Variants in ACOXL observed in about 807,000 individuals in gnomAD.
The protein encoded by ACOXL is acyl-coenzyme A oxidase-like protein.
A neutral mutation model predicts 71.9 loss-of-function variants in ACOXL; 70 were observed. That is an observed-to-expected ratio of 0.97 (90% confidence interval 0.80 to 1.19). The LOEUF is 1.19. ACOXL is among the 50% of genes most tolerant of loss of function. The probability of loss-of-function intolerance (pLI) is 0.00; values close to 1 mark genes in which losing one functional copy is unlikely to be tolerated. For missense variants in ACOXL, 703 were observed against 736.3 expected, an observed-to-expected ratio of 0.95 and a Z score of 0.52; for synonymous variants, 253 against 281.6, an observed-to-expected ratio of 0.90 and a Z score of 1.02.
At chr2:111,081,007 G>A (rs918033025) in intron 16 of ACOXL, among the ~76,000 whole-genome samples, 3 of 152,238 alleles carry the variant, frequency 2.0e-5, no homozygotes, top group Non-Finnish European at 2.9e-5. Flanking sequence ...ACTAGGTATC[G>A]ATGGAATGTA....
intron 16 of ACOXL, among the ~76,000 whole-genome samples, chr2:111,064,375 G>C (rs1329811813): frequency 6.8e-6 from 1 of 147,800 alleles, no homozygotes; most frequent in Non-Finnish European, 1.5e-5. Context: ...GGCGGAGCTT[G>C]CAGTGAGCCG....
chr2:111,079,853 G>T (rs1388514823), intron 16 of ACOXL, among the ~76,000 whole-genome samples: 2 of 141,724 alleles, frequency 1.4e-5, no homozygotes, highest in Non-Finnish European at 1.5e-5. Flanking sequence ...AAAAGTGGAG[G>T]TACTACAGTG....
Position 111,095,248 on chromosome 2 carries a change from G to A in ACOXL, c.1542+2282G>A, listed in dbSNP as rs560302142. ...AAAAAAAAAAAAAAACCTACATAAG[G>A]GAAGATTTTAAATCTGTGCCACCAG... On this transcript the variant is annotated intron_variant, in intron 17 of 17. Coordinates refer to ENST00000439055, the MANE Select transcript of ACOXL (RefSeq NM_001142807.4). 6.0e-5 allele frequency among the ~76,000 whole-genome samples: 9 copies of A among 151,172 alleles called. No individual in the cohort carries two copies. The South Asian group carries it at 1.9e-3, about 32-fold the overall frequency.
rs60152579 is a variant in ACOXL at position 110,752,023 on chromosome 2, C to CTT, written c.-22-16330_-22-16329dup. On this transcript the variant is annotated intron_variant, in intron 1 of 17. Coordinates refer to ENST00000439055, the MANE Select transcript of ACOXL (RefSeq NM_001142807.4). Reference sequence around the variant, plus strand: ...TTCTTTTCTTTCTTTCTTTCTTCTTCTTTTTTTTTTTTTTTTCCAGATGGA... The same window carrying CTT: ...TTCTTTTCTTTCTTTCTTTCTTCTTCTTTTTTTTTTTTTTTTTTCCAGATGGA... Among the ~76,000 whole-genome samples, 52 of 141,826 alleles carry CTT rather than the reference C, an allele frequency of 3.7e-4. 1 individual carries two copies. The highest frequency in any genetic ancestry group is 3.5e-3 in the Admixed American group (49 of 14,166). The allele number at this position is 141,826 out of a possible 152,430, so 93.0% of individuals were successfully genotyped here.
intron 12 of ACOXL, among the ~76,000 whole-genome samples, chr2:110,958,823 GCATAGGCAGGTTCT>G (rs2061597231): frequency 6.6e-6 from 1 of 152,226 alleles, no homozygotes; most frequent in Admixed American, 6.5e-5. Flanking sequence ...TTCCTCCTAG[GCATAGGCAGGTTCT>G]CATCTGTCAG....
intron 1 of ACOXL, among the ~76,000 whole-genome samples, chr2:110,766,742 A>G (rs1171021498): frequency 1.3e-5 from 2 of 152,108 alleles, no homozygotes; most frequent in Non-Finnish European, 2.9e-5. Context: ...GGGTGTGACT[A>G]GATTTACCTC....
chr2:110,802,277 A>C (rs1212835187), intron 8 of ACOXL, among the ~76,000 whole-genome samples: 1 of 152,204 alleles, frequency 6.6e-6, no homozygotes, highest in Admixed American at 6.5e-5. Flanking sequence ...GGCAGAGGAT[A>C]AGGCACCATC....
intron 11 of ACOXL, among the ~76,000 whole-genome samples, chr2:110,921,398 C>T (rs867978435): frequency 2.3e-5 from 3 of 131,034 alleles, no homozygotes; most frequent in Non-Finnish European, 3.3e-5. Flanking sequence ...ACCCCCCCCC[C>T]CCTTTTTTTT....
chr2:110,958,757 C>T (rs2061595128), intron 12 of ACOXL, among the ~76,000 whole-genome samples: 1 of 152,160 alleles, frequency 6.6e-6, no homozygotes, highest in Non-Finnish European at 1.5e-5. Context: ...CTTTGGACTC[C>T]CCTGGACAAT....
chr2:110,877,435 TG>T (rs1336651734), intron 10 of ACOXL, among the ~76,000 whole-genome samples: 1 of 152,268 alleles, frequency 6.6e-6, no homozygotes, highest in East Asian at 1.9e-4. Flanking sequence ...CTGTAACTTC[TG>T]TCTTAATTTA....
chr2:111,053,803 G>A (rs1440946434), intron 16 of ACOXL, among the ~76,000 whole-genome samples: 1 of 152,202 alleles, frequency 6.6e-6, no homozygotes, highest in Non-Finnish European at 1.5e-5. Flanking sequence ...GCCTCCATGG[G>A]ACTAAAACTT....
At chr2:110,895,014 C>T (rs139987647) in intron 10 of ACOXL, among the ~76,000 whole-genome samples, 9 of 152,234 alleles carry the variant, frequency 5.9e-5, no homozygotes, top group Admixed American at 4.6e-4. Flanking sequence ...GAAAATCACT[C>T]ACTATATCAA....
Position 111,043,011 on chromosome 2 carries a change from C to T in ACOXL, c.1370-6207C>T, listed in dbSNP as rs139438245. Among the ~76,000 whole-genome samples, 6 of 152,262 alleles carry T rather than the reference C, an allele frequency of 3.9e-5. No individual in the cohort carries two copies. The East Asian group carries it at 9.6e-4, about 24-fold the overall frequency. ...TGGGAAGTGCTGAGATCCCAGTGTT[C>T]GGAGCAGAAAACATGTTGAGACTTA... is the stretch of plus-strand genomic sequence containing the variant. On this transcript the variant is annotated intron_variant, in intron 15 of 17. Transcript: ENST00000439055.
intron 10 of ACOXL, among the ~76,000 whole-genome samples, chr2:110,873,265 G>A (rs990770788): frequency 6.6e-6 from 1 of 152,072 alleles, no homozygotes; most frequent in Non-Finnish European, 1.5e-5. Flanking sequence ...TGGATTGGGC[G>A]CCCAGGCACG....
rs184456772 is a variant in ACOXL at position 111,081,559 on chromosome 2, A to G, written c.1441-11306A>G. Among the ~76,000 whole-genome samples, 537 of 152,328 alleles carry G rather than the reference A, an allele frequency of 3.5e-3. 2 individuals carry two copies. The highest frequency in any genetic ancestry group is 0.012 in the African/African-American group (510 of 41,572). On this transcript the variant is annotated intron_variant, in intron 16 of 17. Transcript: ENST00000439055. ...ATGGAAAAACATTCCATGCTCCTGG[A>G]TAGGAAGAATCAATATCATGAAAAT...
At chr2:110,740,783 C>A (rs949009202) in intron 1 of ACOXL, among the ~76,000 whole-genome samples, 1 of 152,188 alleles carries the variant, frequency 6.6e-6, no homozygotes, top group African/African-American at 2.4e-5. Flanking sequence ...AGTGGGGAAT[C>A]CACTGGCCCT....
At chr2:110,957,091 A>G (rs577922893) in intron 12 of ACOXL, among the ~76,000 whole-genome samples, 3 of 152,212 alleles carry the variant, frequency 2.0e-5, no homozygotes, top group East Asian at 3.9e-4. Flanking sequence ...CTGCTTAGGA[A>G]TAAAGTAAGC....
intron 14 of ACOXL, among the ~76,000 whole-genome samples, chr2:111,025,342 T>C (rs966649391): frequency 4.6e-5 from 7 of 152,222 alleles, no homozygotes; most frequent in Non-Finnish European, 1.0e-4. Flanking sequence ...CTTGTGTAAA[T>C]ACCGAGGGGT....
rs536540241 is a variant in ACOXL, at chr2:110,976,846, A to G, written c.1060-10262A>G. On this transcript the variant is annotated intron_variant, in intron 12 of 17. Transcript: ENST00000439055. ...AGAATAGTCCATTAAGACTCCAGGA[A>G]AAACAAAACCACTCAAGAAAAGCAT... Among the ~76,000 whole-genome samples, 463 of 152,332 alleles carry G rather than the reference A, an allele frequency of 3.0e-3. 3 individuals are homozygous for G. Among genetic ancestry groups the G allele is most frequent in the African/African-American group, 0.011 (445 of 41,582 alleles).
Sources: gnomAD v4.1 joint callset for allele counts (sites outside exome capture counted in the v4.1 genomes callset) on GRCh38, gnomAD v4.1.1 for gene constraint, MANE v1.5 for transcripts, NCBI Gene and HGNC (gene_info 2026-07-23, HGNC 2026-07-21) for gene names.